PTPRJ: variants seen among roughly 807,000 people sequenced by gnomAD.
PTPRJ encodes the protein protein tyrosine phosphatase receptor type J.
In PTPRJ, 129 loss-of-function variants were observed where a neutral mutation model predicts 141.3. That is an observed-to-expected ratio of 0.91 (90% CI 0.79 to 1.06). The LOEUF (loss-of-function observed/expected upper bound fraction) is 1.06. Ranked by LOEUF, PTPRJ falls within the 50% of genes least tolerant of loss-of-function variation. The probability of loss-of-function intolerance (pLI) is 0.00; values close to 1 mark genes in which losing one functional copy is unlikely to be tolerated. For missense variants in PTPRJ, 1,601 were observed against 1,679.7 expected (o/e 0.95, Z 0.82); for synonymous variants, 610 against 640.5 (o/e 0.95, Z 0.72).
At chr11:48,042,235 T>C (rs1188582012) in intron 1 of PTPRJ, among the ~76,000 whole-genome samples, 2 of 152,166 alleles carry the variant, frequency 1.3e-5, no homozygotes, top group Non-Finnish European at 2.9e-5. Context: ...TTTTTGGTCA[T>C]ATGAATTTTA....
chr11:48,164,435 A>G lies in PTPRJ; in HGVS notation c.3775A>G (p.Ile1259Val). ...TGCCATTGATCGTCTCATCTACCAG[A>G]TAGAGAATGAGAACACCGTGGATGT... Reference protein sequence around the residue: ...FIAIDRLIYQIENENTVDVYG... With the variant: ...FIAIDRLIYQVENENTVDVYG... The change falls in exon 24 of 25, where the codon ATA becomes GTA. Residue 1259 changes from isoleucine (I) to valine (V), a missense_variant. Transcript: ENST00000418331. 1 of 1,613,976 alleles carries G rather than the reference A, an allele frequency of 6.2e-7. No individual in the cohort carries two copies. The highest frequency in any genetic ancestry group is 8.5e-7 in the Non-Finnish European group (1 of 1,179,924).
chr11:48,139,406 A>G, intron 10 of PTPRJ, 80 bp from the exon 11 acceptor site: 3 of 1,474,514 alleles, frequency 2.0e-6, no homozygotes, highest in Non-Finnish European at 2.8e-6. Flanking sequence ...TCTCATCCCC[A>G]GGATTCTGCT....
intron 21 of PTPRJ, among the ~76,000 whole-genome samples, chr11:48,159,314 C>T (rs958428768): frequency 1.1e-4 from 17 of 152,086 alleles, no homozygotes; most frequent in Admixed American, 2.0e-4. Flanking sequence ...GTATTGCAAC[C>T]GATGTATATC....
At chr11:48,051,840 A>G (rs570949678) in intron 1 of PTPRJ, among the ~76,000 whole-genome samples, 3 of 152,314 alleles carry the variant, frequency 2.0e-5, no homozygotes, top group African/African-American at 7.2e-5. Flanking sequence ...AGCTTCTTCT[A>G]TGACTTTGAG....
At chr11:48,164,794 G>A (rs1229232671) in intron 24 of PTPRJ, among the ~76,000 whole-genome samples, 1 of 151,424 alleles carries the variant, frequency 6.6e-6, no homozygotes, top group African/African-American at 2.4e-5. Context: ...TCGAACTCCT[G>A]ACCTCAAGTG....
chr11:48,099,188 G>A (rs1311029211), intron 1 of PTPRJ, among the ~76,000 whole-genome samples: 1 of 152,224 alleles, frequency 6.6e-6, no homozygotes, highest in East Asian at 1.9e-4. Context: ...GCTCTGTCCA[G>A]GGTAAATGGA....
chr11:48,007,649 C>T (rs113598318), intron 1 of PTPRJ, among the ~76,000 whole-genome samples: 3,164 of 152,250 alleles, frequency 0.021, 124 homozygotes, highest in African/African-American at 0.072. Context: ...GTGATCTGCC[C>T]GCCTCCCAGA....
At chr11:48,145,538 ATTTG>A (rs1590555853) in intron 14 of PTPRJ, among the ~76,000 whole-genome samples, 1 of 134,222 alleles carries the variant, frequency 7.5e-6, no homozygotes, top group Non-Finnish European at 1.6e-5. Flanking sequence ...ATGTTTATTG[ATTTG>A]TTTATTTTAT....
intron 1 of PTPRJ, among the ~76,000 whole-genome samples, chr11:48,006,384 G>A (rs1413268681): frequency 6.6e-6 from 1 of 152,124 alleles, no homozygotes; most frequent in Non-Finnish European, 1.5e-5. Context: ...TAATCTAGGG[G>A]CGGGGAGGGA....
chr11:48,083,845 G>A (rs1351520849), intron 1 of PTPRJ, among the ~76,000 whole-genome samples: 1 of 152,212 alleles, frequency 6.6e-6, no homozygotes, highest in Non-Finnish European at 1.5e-5. Context: ...GGGACTCTTG[G>A]GGATTCCTGA....
intron 1 of PTPRJ, among the ~76,000 whole-genome samples, chr11:48,028,721 G>T (rs1853892632): frequency 6.6e-6 from 1 of 152,168 alleles, no homozygotes; most frequent in Non-Finnish European, 1.5e-5. Context: ...AACCCAGGAG[G>T]CAGAGGTTGC....
chr11:48,106,227 G>T lies in PTPRJ; in HGVS notation c.97-3831G>T, dbSNP rs147900701. On this transcript the variant is annotated intron_variant, in intron 1 of 24. Coordinates refer to ENST00000418331, the MANE Select transcript of PTPRJ (RefSeq NM_002843.4). ...AGTCCTCTTATATTCCAAATGAGGGGTTATAGGTCGAGTCAGGGCGTTGCT... is the reference window on the plus strand; with the variant it reads ...AGTCCTCTTATATTCCAAATGAGGGTTTATAGGTCGAGTCAGGGCGTTGCT... Among the ~76,000 whole-genome samples the T allele has an allele frequency of 1.6e-4, 25 of 152,246 alleles. No individual in the cohort carries two copies. In the East Asian group the frequency reaches 4.8e-3, roughly 29 times the overall value.
At chr11:48,094,290 AAC>A (rs1565299820) in intron 1 of PTPRJ, among the ~76,000 whole-genome samples, 1 of 152,214 alleles carries the variant, frequency 6.6e-6, no homozygotes, top group Non-Finnish European at 1.5e-5. Context: ...GCCACTAAGC[AAC>A]CTTGCCAAAA....
At chr11:48,040,763 G>C (rs539922562) in intron 1 of PTPRJ, among the ~76,000 whole-genome samples, 1 of 151,786 alleles carries the variant, frequency 6.6e-6, no homozygotes, top group Non-Finnish European at 1.5e-5. Context: ...CACCATGCCC[G>C]GCTAATTTTT....
Position 48,123,630 on chromosome 11 carries a change from G to C in PTPRJ, c.634G>C (p.Asp212His). 1 of 1,613,138 alleles carries C rather than the reference G, an allele frequency of 6.2e-7. No homozygotes were observed. The highest frequency in any genetic ancestry group is 1.3e-5 in the African/African-American group (1 of 74,968). The change falls in exon 5 of 25, where the codon GAT becomes CAT. Residue 212 changes from aspartate (D) to histidine (H), a missense_variant. Coordinates refer to ENST00000418331, the MANE Select transcript of PTPRJ (RefSeq NM_002843.4). Reference protein sequence around the residue: ...KVITEPIPVSDLRVALTGVRK... With the variant: ...KVITEPIPVSHLRVALTGVRK... Reference sequence around the variant, plus strand: ...TAAAATAGAGCCGATCCCAGTTTCTGATCTCCGTGTTGCCCTCACGGGTGT... The same window carrying C: ...TAAAATAGAGCCGATCCCAGTTTCTCATCTCCGTGTTGCCCTCACGGGTGT...
intron 1 of PTPRJ, among the ~76,000 whole-genome samples, chr11:47,998,651 T>C (rs76925800): frequency 0.011 from 1,703 of 152,244 alleles, 62 homozygotes; most frequent in Admixed American, 0.054. Flanking sequence ...CGTGAAAAAA[T>C]GTATGCAGTG....
In PTPRJ at chr11:48,146,884, T is replaced by C; in HGVS notation, c.2920T>C (p.Cys974Arg). 1 of 1,614,114 alleles carries C rather than the reference T, an allele frequency of 6.2e-7. No homozygotes were observed. Among genetic ancestry groups the C allele is most frequent in the Non-Finnish European group, 8.5e-7 (1 of 1,179,954 alleles). Residue 974 changes from cysteine to arginine, a missense_variant, in exon 15 of 25, where the codon TGT becomes CGT. By Grantham distance (180) the Cys-to-Arg change is radical. Transcript: ENST00000418331. ...ATTTGGACTTTTCTCAGGTGTCATCTGTGGAGCGGTTTTTGGCTGTATCTT... is the reference window on the plus strand; with the variant it reads ...ATTTGGACTTTTCTCAGGTGTCATCCGTGGAGCGGTTTTTGGCTGTATCTT... ...VSLPQDPGVI[C>R]GAVFGCIFGA...
In PTPRJ at chr11:48,168,567, T is replaced by C. The variant is rs1384404073; in HGVS notation, c.*1205T>C. ...ATATATATATATATATATATATATA[T>C]ATATATATATATATACACTAAGCTC... On this transcript the variant is annotated 3_prime_UTR_variant, in exon 25 of 25. Transcript: ENST00000418331. The C allele has an allele frequency of 2.8e-4, 35 of 126,634 alleles. 2 individuals carry two copies. The highest frequency in any genetic ancestry group is 2.9e-4 in the Non-Finnish European group (17 of 59,150). The allele number at this position is 126,634 out of a possible 1,614,324, so 7.8% of individuals were successfully genotyped here. A position where few individuals can be genotyped will look rare whatever the true frequency, so the allele number is the denominator to read the frequency against.
chr11:48,007,505 C>T (rs531777073), intron 1 of PTPRJ, among the ~76,000 whole-genome samples: 3 of 152,010 alleles, frequency 2.0e-5, no homozygotes, highest in African/African-American at 4.8e-5. Context: ...CAGGTTCAAG[C>T]GATTCTTGTG....
Sources: allele counts gnomAD v4.1 joint callset (sites outside exome capture counted in the v4.1 genomes callset), GRCh38; gene constraint gnomAD v4.1.1; transcripts MANE v1.5; gene names NCBI Gene and HGNC (gene_info 2026-07-23, HGNC 2026-07-21).